TP63: variants seen among roughly 807,000 people sequenced by gnomAD.
The protein encoded by TP63 is tumor protein 63.
A neutral mutation model predicts 82.8 loss-of-function variants in TP63; 17 were observed. That is an observed-to-expected ratio of 0.21 (90% CI 0.14 to 0.31). The LOEUF is 0.31. TP63 is among the 10% of genes least tolerant of loss of function. The probability of loss-of-function intolerance (pLI) is 1.00; values close to 1 mark genes in which losing one functional copy is unlikely to be tolerated. For missense variants in TP63, 648 were observed against 895.3 expected (o/e 0.72, Z 3.52); for synonymous variants, 330 against 321.7 (o/e 1.03, Z -0.28).
At chr3:189,788,666 A>G (rs998562409) in intron 3 of TP63, among the ~76,000 whole-genome samples, 2 of 152,072 alleles carry the variant, frequency 1.3e-5, no homozygotes, top group African/African-American at 4.8e-5. Flanking sequence ...TTAATGAATC[A>G]GATGATAACC....
chr3:189,824,624 C>T (rs1258231775), intron 4 of TP63, among the ~76,000 whole-genome samples: 1 of 152,138 alleles, frequency 6.6e-6, no homozygotes, highest in East Asian at 1.9e-4. Flanking sequence ...TGCTGTCACA[C>T]GGCACTGCCC....
intron 8 of TP63, 88 bp from the exon 9 acceptor site, chr3:189,869,236 C>A: frequency 1.0e-6 from 1 of 987,950 alleles, no homozygotes; most frequent in Non-Finnish European, 1.6e-6. Context: ...ATCTGATTAA[C>A]ATTAATATTT....
At chr3:189,804,467 T>G (rs1277371076) in intron 3 of TP63, among the ~76,000 whole-genome samples, 1 of 152,240 alleles carries the variant, frequency 6.6e-6, no homozygotes, top group Non-Finnish European at 1.5e-5. Context: ...TTCTGCATTT[T>G]CATCTTGCAC....
the TP63 span, among the ~76,000 whole-genome samples, chr3:189,622,905 G>A: frequency 3.2e-4 from 49 of 152,314 alleles, no homozygotes; most frequent in African/African-American, 1.1e-3. Flanking sequence ...TGTTCTGTAC[G>A]ATAAACCACG....
At chr3:189,880,668 C>T (rs950444988) in intron 10 of TP63, 1 of 985,258 alleles carries the variant, frequency 1.0e-6, no homozygotes, top group Admixed American at 6.2e-5. Flanking sequence ...CTCAGTCAGA[C>T]CCTTTTAATG....
At chr3:189,729,423 G>C (rs1373985786) in intron 1 of TP63, among the ~76,000 whole-genome samples, 1 of 152,154 alleles carries the variant, frequency 6.6e-6, no homozygotes, top group African/African-American at 2.4e-5. Context: ...ACAGGTCATG[G>C]TCAGTCAGGA....
At position 189,866,816 on chromosome 3, in the gene TP63, A is replaced by T. The variant is rs200703504; in HGVS notation, c.882+19A>T. The stretch of plus-strand genomic sequence containing the variant: ...ACCCCAGGTAAAAAGCAAAAAACCA[A>T]ACCAAAAAACAACACCTCTATGGAC... On this transcript the variant is annotated intron_variant, in intron 6 of 13. Coordinates refer to ENST00000264731, the MANE Select transcript of TP63 (RefSeq NM_003722.5). The T allele has an allele frequency of 2.0e-5, 32 of 1,607,718 alleles. No homozygotes were observed. In the Admixed American group the frequency reaches 5.2e-4, roughly 26 times the overall value.
intron 3 of TP63, among the ~76,000 whole-genome samples, chr3:189,790,585 A>T (rs1365638563): frequency 1.5e-5 from 1 of 65,164 alleles, no homozygotes; most frequent in African/African-American, 4.7e-5. Context: ...GCAAAGGGAT[A>T]AAAAAAAAAA....
intron 4 of TP63, among the ~76,000 whole-genome samples, chr3:189,841,001 T>C (rs1302755784): frequency 6.6e-6 from 1 of 152,166 alleles, no homozygotes; most frequent in Non-Finnish European, 1.5e-5. Flanking sequence ...AATATTTATA[T>C]ACATAAGTTT....
intron 3 of TP63, among the ~76,000 whole-genome samples, chr3:189,764,573 G>C (rs1016120624): frequency 4.6e-5 from 7 of 152,144 alleles, no homozygotes; most frequent in South Asian, 4.1e-4. Context: ...TGCTCATCAG[G>C]AGTATATTGT....
intron 4 of TP63, among the ~76,000 whole-genome samples, chr3:189,856,138 G>C (rs1235489777): frequency 6.6e-6 from 1 of 151,428 alleles, no homozygotes; most frequent in African/African-American, 2.4e-5. Flanking sequence ...AGAGATATAA[G>C]GTAACCCTGG....
chr3:189,669,765 G>A (rs116409630), intron 1 of TP63, among the ~76,000 whole-genome samples: 5,866 of 151,872 alleles, frequency 0.039, 143 homozygotes, highest in Middle Eastern at 0.055. Context: ...TTATCATAAA[G>A]TAAATAAAAA....
At chr3:189,795,587 A>G (rs1725610607) in intron 3 of TP63, among the ~76,000 whole-genome samples, 1 of 152,038 alleles carries the variant, frequency 6.6e-6, no homozygotes, top group Non-Finnish European at 1.5e-5. Context: ...ACTGTGCCAG[A>G]CAACGTGAAG....
At chr3:189,645,291 C>T (rs986798254) in intron 1 of TP63, 2 of 446,864 alleles carry the variant, frequency 4.5e-6, no homozygotes, top group Admixed American at 5.0e-5. Context: ...ACCCTTTGGT[C>T]TCTTGAACTG....
intron 1 of TP63, among the ~76,000 whole-genome samples, chr3:189,677,403 T>TATATATACATATATACACATATAC (rs1466040532): frequency 9.0e-5 from 13 of 144,746 alleles, no homozygotes; most frequent in African/African-American, 3.0e-4. Context: ...TGTGTGTATA[T>TATATATACATATATACACATATAC]ATATACATAT....
At chr3:189,706,063 A>G (rs1424389541) in intron 1 of TP63, among the ~76,000 whole-genome samples, 1 of 152,156 alleles carries the variant, frequency 6.6e-6, no homozygotes, top group Non-Finnish European at 1.5e-5. Flanking sequence ...TGAATTGTGC[A>G]TTTTAAATAT....
At chr3:189,652,431 T>C (rs1170199542) in intron 1 of TP63, among the ~76,000 whole-genome samples, 1 of 147,176 alleles carries the variant, frequency 6.8e-6, no homozygotes, top group Admixed American at 6.7e-5. Flanking sequence ...AATGGGTGTA[T>C]TTACCCAATG....
chr3:189,793,354 A>G (rs902899250), intron 3 of TP63, among the ~76,000 whole-genome samples: 2 of 152,114 alleles, frequency 1.3e-5, no homozygotes, highest in African/African-American at 2.4e-5. Context: ...GAAAGCATCA[A>G]TGGATGTCTA....
intron 10 of TP63, chr3:189,880,879 G>A (rs904564042): frequency 2.9e-5 from 29 of 985,180 alleles, no homozygotes; most frequent in Non-Finnish European, 3.3e-5. Flanking sequence ...CTGTATGTTG[G>A]CATCTGTTAT....
Sources: gnomAD v4.1 joint callset for allele counts (sites outside exome capture counted in the v4.1 genomes callset) on GRCh38, gnomAD v4.1.1 for gene constraint, MANE v1.5 for transcripts, NCBI Gene and HGNC (gene_info 2026-07-23, HGNC 2026-07-21) for gene names.